PAK5: variants seen among roughly 807,000 people sequenced by gnomAD.
PAK5 encodes the protein serine/threonine-protein kinase PAK 5.
PAK5 carries 16 observed loss-of-function variants against 65.9 expected under a neutral mutation model. That is an observed-to-expected ratio of 0.24 (90% CI 0.16 to 0.37). PAK5 has a LOEUF of 0.37. Ranked by LOEUF, PAK5 falls within the 10% of genes least tolerant of loss-of-function variation. PAK5 has a pLI of 1.00. For missense variants in PAK5, 785 were observed against 903.9 expected (o/e 0.87, Z 1.69); for synonymous variants, 371 against 354.9 (o/e 1.05, Z -0.51).
At chr20:9,652,280 T>C (rs943640500) in intron 2 of PAK5, among the ~76,000 whole-genome samples, 2 of 152,208 alleles carry the variant, frequency 1.3e-5, no homozygotes, top group Non-Finnish European at 2.9e-5. Context: ...TATACATTTA[T>C]TATAGCCTCA....
chr20:9,570,845 AT>A (rs2045768876), intron 4 of PAK5, among the ~76,000 whole-genome samples: 2 of 152,218 alleles, frequency 1.3e-5, no homozygotes, highest in Admixed American at 1.3e-4. Context: ...CTTTGCACTA[AT>A]TTAGGCCACT....
chr20:9,707,496 T>C (rs760502975), intron 2 of PAK5, among the ~76,000 whole-genome samples: 4 of 152,210 alleles, frequency 2.6e-5, no homozygotes, highest in Non-Finnish European at 5.9e-5. Flanking sequence ...TCCCGGTAGA[T>C]TGTTTGCAAT....
intron 3 of PAK5, among the ~76,000 whole-genome samples, chr20:9,613,740 A>C (rs1313715289): frequency 3.9e-5 from 6 of 152,180 alleles, no homozygotes; most frequent in Admixed American, 3.3e-4. Context: ...ATTTCCCCCT[A>C]GCCACCCTGT....
intron 7 of PAK5, among the ~76,000 whole-genome samples, chr20:9,552,620 A>G (rs1246461902): frequency 6.6e-6 from 1 of 152,186 alleles, no homozygotes; most frequent in African/African-American, 2.4e-5. Flanking sequence ...TTGATAAAAG[A>G]TAATTTATCT....
intron 2 of PAK5, among the ~76,000 whole-genome samples, chr20:9,710,814 C>G (rs1204533313): frequency 6.6e-6 from 1 of 152,210 alleles, no homozygotes; most frequent in Admixed American, 6.5e-5. Context: ...TCCTGCTTCT[C>G]CAAAGCCCCT....
intron 3 of PAK5, among the ~76,000 whole-genome samples, chr20:9,632,690 T>A (rs2046937547): frequency 6.6e-6 from 1 of 152,234 alleles, no homozygotes; most frequent in South Asian, 2.1e-4. Context: ...TAATATCTGC[T>A]ATTAATGTGC....
intron 7 of PAK5, among the ~76,000 whole-genome samples, chr20:9,556,508 A>G (rs2045509065): frequency 6.6e-6 from 1 of 152,206 alleles, no homozygotes; most frequent in African/African-American, 2.4e-5. Context: ...AAAGACAGGA[A>G]CATCAAGGGA....
intron 7 of PAK5, among the ~76,000 whole-genome samples, chr20:9,544,859 A>T (rs1044932751): frequency 6.6e-6 from 1 of 152,230 alleles, no homozygotes; most frequent in African/African-American, 2.4e-5. Context: ...GCTTTCATAT[A>T]CATAAGTTGC....
At chr20:9,696,119 T>A (rs73242842) in intron 2 of PAK5, among the ~76,000 whole-genome samples, 1 of 152,078 alleles carries the variant, frequency 6.6e-6, no homozygotes. Context: ...AACCCAGCCA[T>A]AGACAGTTAC....
chr20:9,708,938 G>GC (rs74728501), intron 2 of PAK5, among the ~76,000 whole-genome samples: 108,291 of 151,672 alleles, frequency 0.71, 38,829 homozygotes, highest in South Asian at 0.85. Context: ...TCCTTCCTCT[G>GC]CTCACATCCA....
intron 1 of PAK5, among the ~76,000 whole-genome samples, chr20:9,828,087 G>A (rs1199157905): frequency 1.3e-5 from 2 of 151,916 alleles, no homozygotes; most frequent in South Asian, 2.1e-4. Flanking sequence ...CACCCACCTC[G>A]GCCTCCCAGA....
intron 3 of PAK5, among the ~76,000 whole-genome samples, chr20:9,629,128 A>C (rs1195874897): frequency 6.6e-6 from 1 of 152,050 alleles, no homozygotes; most frequent in Non-Finnish European, 1.5e-5. Flanking sequence ...CTGGATGGGA[A>C]GGCAGTGGGG....
At chr20:9,567,509 G>C (rs142055282) in intron 4 of PAK5, among the ~76,000 whole-genome samples, 3 of 152,308 alleles carry the variant, frequency 2.0e-5, no homozygotes, top group Non-Finnish European at 2.9e-5. Flanking sequence ...TAAGAACTCA[G>C]TAGTTACCAC....
At chr20:9,719,552 A>C (rs565215465) in intron 1 of PAK5, among the ~76,000 whole-genome samples, 14 of 152,118 alleles carry the variant, frequency 9.2e-5, no homozygotes, top group Non-Finnish European at 2.1e-4. Flanking sequence ...TTAGAGAGCA[A>C]TTTATAATGT....
chr20:9,740,908 A>G (rs1201365958), intron 1 of PAK5, among the ~76,000 whole-genome samples: 1 of 152,236 alleles, frequency 6.6e-6, no homozygotes, highest in African/African-American at 2.4e-5. Flanking sequence ...ATGATTGGAA[A>G]TGAAAGGGTT....
chr20:9,627,982 T>A (rs117496447), intron 3 of PAK5, among the ~76,000 whole-genome samples: 3,952 of 152,244 alleles, frequency 0.026, 78 homozygotes, highest in Non-Finnish European at 0.037. Context: ...GTTTAGAGAG[T>A]TACATATAAA....
intron 1 of PAK5, among the ~76,000 whole-genome samples, chr20:9,741,964 T>C (rs1343687701): frequency 6.6e-6 from 1 of 152,152 alleles, no homozygotes; most frequent in Non-Finnish European, 1.5e-5. Context: ...GGATCTTGCC[T>C]TTGTGTCCTT....
At chr20:9,825,387 A>AT (rs548928793) in intron 1 of PAK5, among the ~76,000 whole-genome samples, 6 of 152,004 alleles carry the variant, frequency 3.9e-5, no homozygotes, top group African/African-American at 1.2e-4. Context: ...TGATTTTGAG[A>AT]TTTTTCCAGC....
chr20:9,722,717 G>GT (rs1461842725), intron 1 of PAK5, among the ~76,000 whole-genome samples: 1 of 151,948 alleles, frequency 6.6e-6, no homozygotes, highest in East Asian at 1.9e-4. Context: ...GGATTTTATT[G>GT]TAAGTCCCAA....
Sources: gnomAD v4.1 joint callset for allele counts (sites outside exome capture counted in the v4.1 genomes callset) on GRCh38, gnomAD v4.1.1 for gene constraint, MANE v1.5 for transcripts, NCBI Gene and HGNC (gene_info 2026-07-23, HGNC 2026-07-21) for gene names.